The following MYO9A variants were observed in gnomAD, a reference collection of about 807,000 sequenced individuals.
The protein encoded by MYO9A is myosin IXA, also known as unconventional myosin-IXa.
A neutral mutation model predicts 293.3 loss-of-function variants in MYO9A; 103 were observed. That is an observed-to-expected ratio of 0.35 (90% CI 0.30 to 0.41). MYO9A has a LOEUF of 0.41. Ranked by LOEUF, MYO9A falls within the 10% of genes least tolerant of loss-of-function variation. The pLI is 1.00. For missense variants in MYO9A, 2,685 were observed against 3,033.0 expected, an observed-to-expected ratio of 0.89 and a Z score of 2.69; for synonymous variants, 1,001 against 1,035.7, an observed-to-expected ratio of 0.97 and a Z score of 0.64.
intron 3 of MYO9A, among the ~76,000 whole-genome samples, chr15:72,030,719 T>G (rs549830235): frequency 2.0e-5 from 3 of 152,102 alleles, no homozygotes; most frequent in Non-Finnish European, 4.4e-5. Flanking sequence ...AGATGGGCTT[T>G]TACCATGTTG....
At chr15:71,952,016 G>C (rs987230198) in intron 14 of MYO9A, 120 bp from the exon 15 acceptor site, 5 of 1,074,580 alleles carry the variant, frequency 4.7e-6, no homozygotes, top group Non-Finnish European at 6.3e-6. Flanking sequence ...GTATAAAAAT[G>C]TATCAAATAA....
At chr15:72,063,875 C>T (rs1026863307) in intron 1 of MYO9A, among the ~76,000 whole-genome samples, 3 of 152,076 alleles carry the variant, frequency 2.0e-5, no homozygotes, top group African/African-American at 4.8e-5. Context: ...CAGCACTATT[C>T]GCAATCACCA....
chr15:71,970,241 T>C (rs2075975965), intron 12 of MYO9A, among the ~76,000 whole-genome samples: 2 of 152,158 alleles, frequency 1.3e-5, no homozygotes, highest in Non-Finnish European at 2.9e-5. Context: ...AACATCCTAT[T>C]CATATGTAAC....
At chr15:71,861,954 A>C (rs2056152207) in intron 33 of MYO9A, among the ~76,000 whole-genome samples, 1 of 152,126 alleles carries the variant, frequency 6.6e-6, no homozygotes, top group African/African-American at 2.4e-5. Context: ...AACATGGCAA[A>C]ACCCTGTCTC....
chr15:71,878,363 C>T, intron 30 of MYO9A, 132 bp from the exon 31 acceptor site: 1 of 551,024 alleles, frequency 1.8e-6, no homozygotes, highest in South Asian at 5.1e-5. Context: ...AATGAGCATG[C>T]CCATGAGGTC....
chr15:72,071,754 C>CA lies in MYO9A; in HGVS notation c.-71-25121dup, dbSNP rs987479994. Among the ~76,000 whole-genome samples, 6 of 148,214 alleles carry CA rather than the reference C, an allele frequency of 4.0e-5. No individual in the cohort carries two copies. In the East Asian group the frequency reaches 6.0e-4, roughly 15 times the overall value. Reference sequence around the variant, plus strand: ...TGGGCGACACAGCGAGACTCCATCTCAAAAAAAATAAAAATAAAAAAGAAA... The same window carrying CA: ...TGGGCGACACAGCGAGACTCCATCTCAAAAAAAAATAAAAATAAAAAAGAAA... On this transcript the variant is annotated intron_variant, in intron 1 of 41. Coordinates refer to ENST00000356056, the MANE Select transcript of MYO9A (RefSeq NM_006901.4).
chr15:71,968,929 T>C (rs545513677), intron 12 of MYO9A, among the ~76,000 whole-genome samples: 1 of 152,324 alleles, frequency 6.6e-6, no homozygotes, highest in Non-Finnish European at 1.5e-5. Flanking sequence ...AGTTGCTTAA[T>C]ACAAATCTAA....
Position 71,897,711 on chromosome 15 carries a change from C to T in MYO9A, c.4792G>A (p.Asp1598Asn), listed in dbSNP as rs149840205. ...DSSSAHLPPK[D>N]RPVTVFFERK... is the part of the protein sequence containing the mutation. The stretch of plus-strand genomic sequence containing the variant: ...TCAAAGAACACGGTGACAGGTCGGT[C>T]CTTTGGGGGTAAGTGAGCAGAGGAA... Residue 1598 changes from aspartate to asparagine, a missense_variant, in exon 25 of 42, where the codon GAC becomes AAC. This residue lies in a region of MYO9A where 1,434 missense variants were observed against 1,497.7 expected (regional missense o/e 0.96). Transcript: ENST00000356056. 61 of 1,614,018 alleles carry T rather than the reference C, an allele frequency of 3.8e-5. No homozygotes were observed. In the African/African-American group the frequency reaches 6.7e-4, roughly 18 times the overall value.
At chr15:71,953,469 T>TA (rs1273488296) in intron 14 of MYO9A, among the ~76,000 whole-genome samples, 1 of 152,230 alleles carries the variant, frequency 6.6e-6, no homozygotes, top group African/African-American at 2.4e-5. Flanking sequence ...TATTATGTGT[T>TA]AAAGTATTCT....
At chr15:71,953,976 C>A (rs2957726) in intron 14 of MYO9A, among the ~76,000 whole-genome samples, 140,812 of 151,792 alleles carry the variant, frequency 0.93, 65,620 homozygotes, top group Non-Finnish European at 0.97. Context: ...GCTCACTGCA[C>A]CCTCTGCATC....
At chr15:72,051,768 T>C (rs1022689267) in intron 1 of MYO9A, among the ~76,000 whole-genome samples, 1 of 152,034 alleles carries the variant, frequency 6.6e-6, no homozygotes, top group South Asian at 2.1e-4. Flanking sequence ...AGAGGGAGGC[T>C]GAGGGGGTAC....
chr15:71,857,682 G>A (rs1401633797), intron 34 of MYO9A, among the ~76,000 whole-genome samples: 1 of 150,114 alleles, frequency 6.7e-6, no homozygotes, highest in African/African-American at 2.5e-5. Flanking sequence ...TGTTTGTATC[G>A]ACAGTTTTTT....
Position 71,825,689 on chromosome 15 carries a change from C to G in MYO9A, c.*891G>C, listed in dbSNP as rs1555456602. On this transcript the variant is annotated 3_prime_UTR_variant, in exon 42 of 42. Transcript: ENST00000356056. ...TATGCGGTTTTCGGTTTAATCTATA[C>G]AAAGAGAAAAGCCTGAATGGCTTAG... 6.6e-6 allele frequency: 1 copy of G among 152,086 alleles called. No homozygotes were observed. The highest frequency in any genetic ancestry group is 1.5e-5 in the Non-Finnish European group (1 of 68,006). 9.4% of individuals were successfully genotyped at this position (152,086 alleles called of 1,614,324 possible). A position where few individuals can be genotyped will look rare whatever the true frequency, so the allele number is the denominator to read the frequency against.
chr15:71,883,786 T>C (rs770791109), intron 27 of MYO9A, 50 bp from the exon 28 acceptor site: 39 of 1,501,796 alleles, frequency 2.6e-5, no homozygotes, highest in Non-Finnish European at 3.5e-5. Context: ...ATCTCAGTGA[T>C]AATATTTGTA....
At chr15:72,116,865 A>G (rs1193102516) in intron 1 of MYO9A, 1 of 152,158 alleles carries the variant, frequency 6.6e-6, no homozygotes, top group African/African-American at 2.4e-5. Flanking sequence ...TGGCACACAC[A>G]CAACTGGCCT....
chr15:72,101,265 G>A (rs2080302505), intron 1 of MYO9A, among the ~76,000 whole-genome samples: 1 of 129,444 alleles, frequency 7.7e-6, no homozygotes, highest in Admixed American at 7.6e-5. Context: ...CCCCCGCCCG[G>A]CCAGCCGCCC....
At chr15:71,945,322 C>A (rs2058884528) in intron 15 of MYO9A, among the ~76,000 whole-genome samples, 1 of 152,196 alleles carries the variant, frequency 6.6e-6, no homozygotes, top group Non-Finnish European at 1.5e-5. Context: ...CATCTTGTCT[C>A]TCCAAGAGAC....
At chr15:71,843,522 T>A (rs2055256453) in intron 39 of MYO9A, among the ~76,000 whole-genome samples, 1 of 152,214 alleles carries the variant, frequency 6.6e-6, no homozygotes. Flanking sequence ...AGGGTCTCAC[T>A]CTGTCACTCA....
chr15:72,082,110 ACTGCTTTGTGTAGT>A (rs1419909567), intron 1 of MYO9A, among the ~76,000 whole-genome samples: 1 of 152,140 alleles, frequency 6.6e-6, no homozygotes, highest in Non-Finnish European at 1.5e-5. Context: ...GAATCGATAA[ACTGCTTTGTGTAGT>A]ATGGCCATTT....
Sources: allele counts gnomAD v4.1 joint callset (sites outside exome capture counted in the v4.1 genomes callset), GRCh38; gene constraint gnomAD v4.1.1; regional missense constraint gnomAD v4.1.1; transcripts MANE v1.5; gene names NCBI Gene and HGNC (gene_info 2026-07-23, HGNC 2026-07-21).